KCNH7: variants seen among roughly 807,000 people sequenced by gnomAD.
The protein encoded by KCNH7 is voltage-gated inwardly rectifying potassium channel KCNH7.
Under a neutral mutation model 120.8 loss-of-function variants are expected in KCNH7, and 49 were observed. The ratio of observed to expected loss-of-function variants is 0.41; its 90% CI spans 0.32 to 0.51. The LOEUF is 0.51. Ranked by LOEUF, KCNH7 falls within the 20% of genes least tolerant of loss-of-function variation. The pLI, the probability that KCNH7 is intolerant of heterozygous loss-of-function variation, is 0.38. For missense variants in KCNH7, 1,097 were observed against 1,446.6 expected, an observed-to-expected ratio of 0.76 and a Z score of 3.92; for synonymous variants, 547 against 516.1, an observed-to-expected ratio of 1.06 and a Z score of -0.81.
At chr2:162,772,029 A>G (rs1292596415) in intron 2 of KCNH7, 1 of 152,176 alleles carries the variant, frequency 6.6e-6, no homozygotes, top group African/African-American at 2.4e-5. Context: ...TATAAAGATA[A>G]GAAGAACCTA....
At chr2:162,723,123 T>A (rs1243170510) in intron 2 of KCNH7, among the ~76,000 whole-genome samples, 1 of 152,110 alleles carries the variant, frequency 6.6e-6, no homozygotes, top group East Asian at 1.9e-4. Context: ...AAATTATATA[T>A]CTCTTTATTA....
chr2:162,621,946 A>G (rs565895551), intron 2 of KCNH7, among the ~76,000 whole-genome samples: 8 of 152,308 alleles, frequency 5.3e-5, no homozygotes, highest in African/African-American at 1.9e-4. Flanking sequence ...TAAAATTTCT[A>G]TTAAAGGGTA....
chr2:162,638,750 A>G (rs1296941176), intron 2 of KCNH7, among the ~76,000 whole-genome samples: 1 of 152,096 alleles, frequency 6.6e-6, no homozygotes, highest in Non-Finnish European at 1.5e-5. Context: ...GCATAAATTA[A>G]TAAATAATTG....
intron 2 of KCNH7, among the ~76,000 whole-genome samples, chr2:162,752,597 A>G (rs975529297): frequency 2.6e-5 from 4 of 152,014 alleles, no homozygotes; most frequent in African/African-American, 9.7e-5. Flanking sequence ...CACACGGCAC[A>G]ACAGAAGATT....
intron 2 of KCNH7, among the ~76,000 whole-genome samples, chr2:162,772,958 C>A (rs1166737726): frequency 1.3e-5 from 2 of 152,162 alleles, no homozygotes; most frequent in Non-Finnish European, 2.9e-5. Flanking sequence ...AACCTAATCG[C>A]TCTCCTTGAA....
chr2:162,621,078 C>T (rs887269186), intron 2 of KCNH7, among the ~76,000 whole-genome samples: 1 of 152,022 alleles, frequency 6.6e-6, no homozygotes, highest in Non-Finnish European at 1.5e-5. Context: ...TTTCATTTCA[C>T]ACCTTCTTAT....
Position 162,384,883 on chromosome 2 carries a change from A to C in KCNH7, c.2767T>G (p.Ser923Ala), listed in dbSNP as rs1686529770. Residue 923 changes from serine to alanine, a missense_variant, in exon 13 of 16, where the codon TCC (serine) becomes GCC (alanine). Ser to Ala is a moderately conservative substitution (Grantham distance 99). Coordinates refer to ENST00000332142, the MANE Select transcript of KCNH7 (RefSeq NM_033272.4). ...TTTTTCTCTTCAAAGTGTCTCTTGG[A>C]ACTCTGATAATGTCTTATGGTATCT... Reference protein sequence around the residue: ...SADTIRHYQSSKRHFEEKKSR... With the variant: ...SADTIRHYQSAKRHFEEKKSR... 1 of 1,612,108 alleles carries C rather than the reference A, an allele frequency of 6.2e-7. No individual in the cohort carries two copies.
intron 8 of KCNH7, among the ~76,000 whole-genome samples, chr2:162,425,931 T>C (rs368576392): frequency 2.6e-5 from 4 of 152,210 alleles, no homozygotes; most frequent in African/African-American, 9.6e-5. Context: ...GACTAATTTA[T>C]GGTCAGGCGC....
intron 2 of KCNH7, among the ~76,000 whole-genome samples, chr2:162,653,790 T>C (rs957789339): frequency 1.7e-4 from 26 of 152,080 alleles, no homozygotes; most frequent in African/African-American, 6.3e-4. Flanking sequence ...GGTACTGACC[T>C]AAAAACAGAT....
chr2:162,613,509 T>G (rs1683039188), intron 2 of KCNH7, among the ~76,000 whole-genome samples: 1 of 152,058 alleles, frequency 6.6e-6, no homozygotes, highest in African/African-American at 2.4e-5. Context: ...TGTTGCAGCC[T>G]GTTATTTAAG....
chr2:162,553,475 C>T (rs1020490879), intron 2 of KCNH7, among the ~76,000 whole-genome samples: 1 of 152,064 alleles, frequency 6.6e-6, no homozygotes, highest in African/African-American at 2.4e-5. Context: ...TGGTGAAACC[C>T]CGTCTCTACT....
intron 2 of KCNH7, among the ~76,000 whole-genome samples, chr2:162,804,236 G>A (rs1450695855): frequency 6.6e-6 from 1 of 151,738 alleles, no homozygotes; most frequent in African/African-American, 2.4e-5. Flanking sequence ...AAGTCCTAGA[G>A]AGCAGTCAGG....
At chr2:162,785,427 C>T (rs2105504594) in intron 2 of KCNH7, among the ~76,000 whole-genome samples, 1 of 152,278 alleles carries the variant, frequency 6.6e-6, no homozygotes, top group Admixed American at 6.5e-5. Context: ...ATAGTTCTTG[C>T]TAAGTATTAG....
At chr2:162,502,924 T>C (rs1353648125) in intron 6 of KCNH7, among the ~76,000 whole-genome samples, 2 of 151,818 alleles carry the variant, frequency 1.3e-5, no homozygotes, top group African/African-American at 4.8e-5. Flanking sequence ...TAAAAAAGAG[T>C]TCAAGGCATT....
intron 3 of KCNH7, among the ~76,000 whole-genome samples, chr2:162,525,516 G>A (rs1239584819): frequency 1.3e-5 from 2 of 151,882 alleles, no homozygotes; most frequent in African/African-American, 2.4e-5. Context: ...AGGGGATTGG[G>A]AATGAAAGCA....
At chr2:162,630,473 A>C (rs1683725940) in intron 2 of KCNH7, among the ~76,000 whole-genome samples, 1 of 152,090 alleles carries the variant, frequency 6.6e-6, no homozygotes, top group South Asian at 2.1e-4. Context: ...AACATTAAAA[A>C]AAGACATGGA....
intron 2 of KCNH7, among the ~76,000 whole-genome samples, chr2:162,786,188 A>G: frequency 6.8e-6 from 1 of 146,264 alleles, no homozygotes; most frequent in East Asian, 2.1e-4. Context: ...AGCTGCAGTG[A>G]GCCGAGATCA....
intron 5 of KCNH7, among the ~76,000 whole-genome samples, chr2:162,507,727 C>T (rs1690931792): frequency 6.6e-6 from 1 of 151,542 alleles, no homozygotes; most frequent in Non-Finnish European, 1.5e-5. Flanking sequence ...AGAACTAGCT[C>T]ATTTATAAGA....
chr2:162,577,336 TCATCTATCCATC>T (rs1192552301), intron 2 of KCNH7, among the ~76,000 whole-genome samples: 1 of 120,722 alleles, frequency 8.3e-6, no homozygotes, highest in Non-Finnish European at 1.9e-5. Context: ...TATCTGTCTA[TCATCTATCCATC>T]CTATCTATCT....
Sources: gnomAD v4.1 joint callset for allele counts (sites outside exome capture counted in the v4.1 genomes callset) on GRCh38, gnomAD v4.1.1 for gene constraint, MANE v1.5 for transcripts, NCBI Gene and HGNC (gene_info 2026-07-23, HGNC 2026-07-21) for gene names.